COL15A1: variants seen among roughly 807,000 people sequenced by gnomAD.
The protein encoded by COL15A1 is collagen alpha-1(XV) chain.
In COL15A1, 111 loss-of-function variants were observed where a neutral mutation model predicts 165.9. That is an observed-to-expected ratio of 0.67 (90% CI 0.57 to 0.78). The LOEUF (loss-of-function observed/expected upper bound fraction) is 0.78. COL15A1 is among the 30% of genes least tolerant of loss of function. The probability of loss-of-function intolerance (pLI) is 0.00; values close to 1 mark genes in which losing one functional copy is unlikely to be tolerated. For synonymous variants in COL15A1, 659 were observed against 674.8 expected (o/e 0.98, Z 0.36); for missense variants, 1,745 against 1,789.7 (o/e 0.98, Z 0.45).
At chr9:99,029,721 T>C (rs982011762) in intron 16 of COL15A1, among the ~76,000 whole-genome samples, 1 of 152,040 alleles carries the variant, frequency 6.6e-6, no homozygotes, top group African/African-American at 2.4e-5. Context: ...GTCAGGAGTT[T>C]GAGACCAGCC....
intron 36 of COL15A1, among the ~76,000 whole-genome samples, chr9:99,060,501 C>T (rs1335383272): frequency 6.6e-6 from 1 of 150,964 alleles, no homozygotes; most frequent in Non-Finnish European, 1.5e-5. Context: ...ACTCATGGGC[C>T]ACCAAGGTGA....
At position 98,985,920 on chromosome 9, in the gene COL15A1, C is replaced by G. The variant is rs750104746; in HGVS notation, c.456C>G (p.Phe152Leu). The change falls in exon 3 of 42, where the codon TTC (phenylalanine) becomes TTG (leucine). Residue 152 changes from phenylalanine (F) to leucine (L), a missense_variant. Coordinates refer to ENST00000375001, the MANE Select transcript of COL15A1 (RefSeq NM_001855.5). Reference protein sequence around the residue: ...GSHVSQEAAAFSVPVMTHRWN... With the variant: ...GSHVSQEAAALSVPVMTHRWN... ...ATGTGTCCCAAGAGGCTGCTGCCTT[C>G]TCGGTGCCTGTGATGACCCACAGGT... is the stretch of plus-strand genomic sequence containing the variant. 6.2e-7 allele frequency: 1 copy of G among 1,613,882 alleles called. No homozygotes were observed. Among genetic ancestry groups the G allele is most frequent in the Non-Finnish European group, 8.5e-7 (1 of 1,180,034 alleles).
At chr9:99,027,846 A>G (rs1839152527) in intron 16 of COL15A1, among the ~76,000 whole-genome samples, 1 of 152,224 alleles carries the variant, frequency 6.6e-6, no homozygotes, top group African/African-American at 2.4e-5. Context: ...TTTGCACATG[A>G]TATTTACCTT....
chr9:98,963,095 G>C (rs1837888239), intron 2 of COL15A1, among the ~76,000 whole-genome samples: 1 of 152,242 alleles, frequency 6.6e-6, no homozygotes, highest in Non-Finnish European at 1.5e-5. Context: ...ATATGCATGT[G>C]GGAGGCTGGT....
At position 99,052,397 on chromosome 9, in the gene COL15A1, G is replaced by T. The variant is rs185414790; in HGVS notation, c.2914G>T (p.Ala972Ser). 1 of 1,611,994 alleles carries T rather than the reference G, an allele frequency of 6.2e-7. No homozygotes were observed. Among genetic ancestry groups the T allele is most frequent in the African/African-American group, 1.3e-5 (1 of 75,008 alleles). The change falls in exon 31 of 42, where the codon GCT (alanine) becomes TCT (serine). Residue 972 changes from alanine (A) to serine (S), a missense_variant. Physicochemically the swap from Ala to Ser is moderately conservative, Grantham distance 99. Transcript: ENST00000375001. Reference sequence around the variant, plus strand: ...CTTCCTCTCTTTCCAGGTTGATACTGCTCATCCTGGGAGTCCAGAGCTCAT... The same window carrying T: ...CTTCCTCTCTTTCCAGGTTGATACTTCTCATCCTGGGAGTCCAGAGCTCAT... ...RPHCKMPVDT[A>S]HPGSPELITF... is the part of the protein sequence containing the mutation.
At chr9:99,043,395 A>C (rs905139852) in intron 24 of COL15A1, among the ~76,000 whole-genome samples, 1 of 152,058 alleles carries the variant, frequency 6.6e-6, no homozygotes, top group Non-Finnish European at 1.5e-5. Flanking sequence ...ACTCTGTTTA[A>C]ACACTCTGTT....
chr9:98,972,862 G>A (rs1185573844), intron 2 of COL15A1, among the ~76,000 whole-genome samples: 2 of 152,190 alleles, frequency 1.3e-5, no homozygotes, highest in Non-Finnish European at 2.9e-5. Context: ...GCCTGGGAGA[G>A]CCACAAGGAA....
intron 40 of COL15A1, among the ~76,000 whole-genome samples, chr9:99,067,487 C>G (rs1825914119): frequency 6.6e-6 from 1 of 152,144 alleles, no homozygotes; most frequent in African/African-American, 2.4e-5. Context: ...GTGTTCTGTG[C>G]CCATTTAAGC....
chr9:99,034,052 CT>C (rs1297697022), intron 16 of COL15A1, among the ~76,000 whole-genome samples: 1 of 152,194 alleles, frequency 6.6e-6, no homozygotes, highest in African/African-American at 2.4e-5. Flanking sequence ...CCAATTCTGT[CT>C]TCTGGGGACT....
chr9:98,965,804 G>T (rs1288682192), intron 2 of COL15A1, among the ~76,000 whole-genome samples: 1 of 152,164 alleles, frequency 6.6e-6, no homozygotes, highest in African/African-American at 2.4e-5. Context: ...TTTGCTTATG[G>T]CTCCAAGCTC....
intron 6 of COL15A1, among the ~76,000 whole-genome samples, chr9:99,000,398 A>G (rs902940743): frequency 4.6e-5 from 7 of 152,118 alleles, no homozygotes. Context: ...TGTTATATAT[A>G]TAATAATGAT....
chr9:98,958,269 T>A (rs892913637), intron 2 of COL15A1, among the ~76,000 whole-genome samples: 1 of 152,238 alleles, frequency 6.6e-6, no homozygotes, highest in Non-Finnish European at 1.5e-5. Context: ...AGCATGAACA[T>A]GCTAGGATAT....
intron 33 of COL15A1, 27 bp from the exon 34 acceptor site, chr9:99,055,235 A>G: frequency 6.3e-7 from 1 of 1,592,572 alleles, no homozygotes; most frequent in South Asian, 1.1e-5. Context: ...ACTCTTACTG[A>G]AATATTCCTG....
rs755222055 is a variant in COL15A1 at position 99,044,721 on chromosome 9, T to G, written c.2644-14T>G. The G allele has an allele frequency of 6.2e-7, 1 of 1,613,746 alleles. No homozygotes were observed. The highest frequency in any genetic ancestry group is 8.5e-7 in the Non-Finnish European group (1 of 1,179,642). On this transcript the variant is annotated splice_polypyrimidine_tract_variant and intron_variant, in intron 25 of 41. Transcript: ENST00000375001. Reference sequence around the variant, plus strand: ...TGTCCCAAACAGTGACAAGTATATATCTTCCTGTTTTAGGGTGAACCTGGA... The same window carrying G: ...TGTCCCAAACAGTGACAAGTATATAGCTTCCTGTTTTAGGGTGAACCTGGA...
chr9:99,045,456 C>T (rs545809877), intron 26 of COL15A1, among the ~76,000 whole-genome samples: 93 of 152,358 alleles, frequency 6.1e-4, no homozygotes, highest in African/African-American at 2.1e-3. Flanking sequence ...TAGGGCCCTT[C>T]TGGCCTTACG....
chr9:99,049,837 GTTC>G lies in COL15A1; in HGVS notation c.2863-15_2863-13del, dbSNP rs376890154. On this transcript the variant is annotated splice_polypyrimidine_tract_variant and intron_variant, in intron 29 of 41. Coordinates refer to ENST00000375001, the MANE Select transcript of COL15A1 (RefSeq NM_001855.5). ...GTGTCCTGTTGACCTCACCTCTCTT[GTTC>G]TCATTACCCACAGGCCATTTTCCCA... 6.9e-4 allele frequency: 1,109 copies of G among 1,614,206 alleles called. 4 individuals are homozygous for G. In the African/African-American group the frequency reaches 0.014, roughly 20 times the overall value.
chr9:98,972,570 A>G (rs974901236), intron 2 of COL15A1, among the ~76,000 whole-genome samples: 6 of 152,232 alleles, frequency 3.9e-5, no homozygotes, highest in African/African-American at 1.4e-4. Flanking sequence ...AGGATGACTG[A>G]TTTGTGGAAA....
At chr9:99,054,698 C>T (rs1442649835) in intron 32 of COL15A1, 42 bp downstream of exon 32, 2 of 1,580,740 alleles carry the variant, frequency 1.3e-6, no homozygotes, top group Middle Eastern at 1.7e-4. Context: ...TGATTTTTTG[C>T]TCCTGAGAAC....
At chr9:99,040,670 T>C in intron 23 of COL15A1, 114 bp downstream of exon 23, 1 of 1,575,582 alleles carries the variant, frequency 6.3e-7, no homozygotes, top group Non-Finnish European at 8.7e-7. Flanking sequence ...CAGGGGCATC[T>C]TGTTCATTAA....
Sources: allele counts gnomAD v4.1 joint callset (sites outside exome capture counted in the v4.1 genomes callset), GRCh38; gene constraint gnomAD v4.1.1; transcripts MANE v1.5; gene names NCBI Gene and HGNC (gene_info 2026-07-23, HGNC 2026-07-21).